Variants in NIPSNAP2 observed in about 807,000 individuals in gnomAD.
NIPSNAP2 encodes protein NipSnap homolog 2.
A neutral mutation model predicts 48.4 loss-of-function variants in NIPSNAP2; 42 were observed. The observed-to-expected ratio is 0.87, with a 90% CI of 0.68 to 1.12. The LOEUF is 1.12. Among genes scored for constraint, NIPSNAP2 ranks in the 50% most tolerant of loss-of-function variants. NIPSNAP2 has a pLI of 0.00. For synonymous variants in NIPSNAP2, 158 were observed against 126.6 expected (o/e 1.25, Z -1.67); for missense variants, 314 against 347.3 (o/e 0.90, Z 0.76).
At chr7:55,993,375 C>T (rs188038941) in intron 7 of NIPSNAP2, among the ~76,000 whole-genome samples, 20 of 151,586 alleles carry the variant, frequency 1.3e-4, no homozygotes, top group Admixed American at 1.1e-3. Flanking sequence ...CGGGGCAGAT[C>T]GAGACCAGCC....
rs1469750587 is a variant in NIPSNAP2, at chr7:55,983,853, G to A, written c.570G>A (p.Arg190=). The change falls in exon 6 of 10, where the codon AGG becomes AGA. Residue 190 remains arginine, a synonymous_variant. Transcript: ENST00000322090. ...CCGGACCTAATATATATGAACTCAG[G>A]TCTTACCAACTCCGAGTAAGTACAG... ...PRSGPNIYEL[R]SYQLRPGTMI... is the part of the protein sequence containing the mutation. 1.2e-6 allele frequency: 2 copies of A among 1,613,404 alleles called. No individual in the cohort carries two copies. The highest frequency in any genetic ancestry group is 2.2e-5 in the East Asian group (1 of 44,866).
At chr7:55,984,916 T>A (rs1293443006) in intron 7 of NIPSNAP2, 38 bp downstream of exon 7, 1 of 1,539,972 alleles carries the variant, frequency 6.5e-7, no homozygotes, top group Non-Finnish European at 8.9e-7. Context: ...TTAAGTCTTG[T>A]GAATAGATTA....
chr7:55,972,525 C>T (rs879448816), intron 1 of NIPSNAP2, among the ~76,000 whole-genome samples: 2 of 151,118 alleles, frequency 1.3e-5, no homozygotes, highest in African/African-American at 4.9e-5. Context: ...CTGCACCTCC[C>T]GGGTTCAAGC....
At chr7:55,986,355 C>T (rs1282330983) in intron 7 of NIPSNAP2, among the ~76,000 whole-genome samples, 1 of 151,416 alleles carries the variant, frequency 6.6e-6, no homozygotes, top group Non-Finnish European at 1.5e-5. Context: ...AGAATAAGAC[C>T]CTGTCTCAAA....
At chr7:55,998,917 T>C (rs1787624097) in intron 9 of NIPSNAP2, 91 bp from the exon 10 acceptor site, 1 of 1,061,244 alleles carries the variant, frequency 9.4e-7, no homozygotes, top group African/African-American at 1.6e-5. Context: ...GCAGCACATC[T>C]GTGAACATTC....
intron 7 of NIPSNAP2, among the ~76,000 whole-genome samples, chr7:55,985,256 G>A (rs924187173): frequency 6.6e-6 from 1 of 151,862 alleles, no homozygotes; most frequent in African/African-American, 2.4e-5. Context: ...ATTGCATAAG[G>A]TTAGTTTACA....
chr7:55,990,828 C>T (rs890358123), intron 7 of NIPSNAP2, among the ~76,000 whole-genome samples: 4 of 148,614 alleles, frequency 2.7e-5, no homozygotes, highest in African/African-American at 1.0e-4. Flanking sequence ...TGCTCTGTTG[C>T]CCAGGCTGGA....
At chr7:55,990,254 A>C (rs1487792913) in intron 7 of NIPSNAP2, among the ~76,000 whole-genome samples, 5 of 134,700 alleles carry the variant, frequency 3.7e-5, no homozygotes, top group African/African-American at 1.4e-4. Flanking sequence ...TTTGAGACGG[A>C]GTCTTGCTCT....
chr7:55,972,494 G>A lies in NIPSNAP2; in HGVS notation c.93-5632G>A, dbSNP rs539860175. ...GTTGCCCAGGCTGGAGTGTAGTGGC[G>A]TGATCTCGGCCCACTACACCCTGCA... On this transcript the variant is annotated intron_variant, in intron 1 of 9. Coordinates refer to ENST00000322090, the MANE Select transcript of NIPSNAP2 (RefSeq NM_001483.3). Among the ~76,000 whole-genome samples, 35 of 149,066 alleles carry A rather than the reference G, an allele frequency of 2.3e-4. 1 individual carries two copies. The highest frequency in any genetic ancestry group is 7.2e-4 in the African/African-American group (29 of 40,504).
intron 7 of NIPSNAP2, among the ~76,000 whole-genome samples, chr7:55,994,667 T>C (rs778241713): frequency 1.7e-4 from 26 of 152,150 alleles, no homozygotes; most frequent in Non-Finnish European, 3.4e-4. Flanking sequence ...GAGCTGAGAT[T>C]GTGTCACTGC....
Position 55,986,709 on chromosome 7 carries a change from A to G in NIPSNAP2, c.617+1831A>G, listed in dbSNP as rs555295465. Among the ~76,000 whole-genome samples, 27 of 147,882 alleles carry G rather than the reference A, an allele frequency of 1.8e-4. No individual in the cohort carries two copies. The South Asian group carries it at 5.5e-3, about 30-fold the overall frequency. On this transcript the variant is annotated intron_variant, in intron 7 of 9. Transcript: ENST00000322090. ...TCAGTGATACTAAAAAAAAAAATTT[A>G]ATTAAAAAGACAAGTCATATACTGG...
At chr7:55,991,282 T>G (rs770719242) in intron 7 of NIPSNAP2, among the ~76,000 whole-genome samples, 3 of 152,214 alleles carry the variant, frequency 2.0e-5, no homozygotes, top group Non-Finnish European at 4.4e-5. Context: ...CATATTTGGT[T>G]GTATGCTACT....
At chr7:55,981,610 C>T in intron 4 of NIPSNAP2, 43 bp downstream of exon 4, 1 of 1,262,654 alleles carries the variant, frequency 7.9e-7, no homozygotes, top group Non-Finnish European at 1.1e-6. Flanking sequence ...TTCCTTAAGC[C>T]TTATGTAACA....
chr7:55,966,903 G>A (rs1188449856), intron 1 of NIPSNAP2, among the ~76,000 whole-genome samples: 1 of 152,242 alleles, frequency 6.6e-6, no homozygotes, highest in African/African-American at 2.4e-5. Context: ...GAATGTAGGA[G>A]GGGGAGCTGG....
Position 55,994,996 on chromosome 7 carries a change from T to G in NIPSNAP2, c.712+8T>G, listed in dbSNP as rs1180746580. 1 of 1,610,254 alleles carries G rather than the reference T, an allele frequency of 6.2e-7. No homozygotes were observed. The highest frequency in any genetic ancestry group is 8.5e-7 in the Non-Finnish European group (1 of 1,176,492). On this transcript the variant is annotated splice_region_variant and intron_variant, in intron 8 of 9. Coordinates refer to ENST00000322090, the MANE Select transcript of NIPSNAP2 (RefSeq NM_001483.3). The stretch of plus-strand genomic sequence containing the variant: ...TGGTGCACCATCTTTGGGGTATCTG[T>G]TTTTCCCTTTTCGAGTTACTGGGAT...
rs544722351 is a variant in NIPSNAP2 at position 55,972,484 on chromosome 7, G to A, written c.93-5642G>A. On this transcript the variant is annotated intron_variant, in intron 1 of 9. Transcript: ENST00000322090. ...TTTCACTCTTGTTGCCCAGGCTGGA[G>A]TGTAGTGGCGTGATCTCGGCCCACT... Among the ~76,000 whole-genome samples the A allele has an allele frequency of 1.2e-3, 185 of 148,666 alleles. 1 individual carries two copies. The highest frequency in any genetic ancestry group is 6.4e-3 in the South Asian group (30 of 4,664).
At chr7:55,986,384 G>A (rs544850887) in intron 7 of NIPSNAP2, among the ~76,000 whole-genome samples, 4 of 152,120 alleles carry the variant, frequency 2.6e-5, no homozygotes, top group Non-Finnish European at 4.4e-5. Flanking sequence ...AAATTAGGGC[G>A]GGGATGGTGG....
chr7:55,977,789 C>T (rs1413273975), intron 1 of NIPSNAP2, among the ~76,000 whole-genome samples: 1 of 151,962 alleles, frequency 6.6e-6, no homozygotes, highest in Non-Finnish European at 1.5e-5. Context: ...CTCCCCTTTC[C>T]TCACCTCCTG....
chr7:55,991,387 C>T (rs1787440684), intron 7 of NIPSNAP2, among the ~76,000 whole-genome samples: 1 of 151,780 alleles, frequency 6.6e-6, no homozygotes. Flanking sequence ...CAATTTTTGC[C>T]CATTACTGAT....
Sources: gnomAD v4.1 joint callset for allele counts (sites outside exome capture counted in the v4.1 genomes callset) on GRCh38, gnomAD v4.1.1 for gene constraint, MANE v1.5 for transcripts, NCBI Gene and HGNC (gene_info 2026-07-23, HGNC 2026-07-21) for gene names.